GABRB1: variants seen among roughly 807,000 people sequenced by gnomAD.
The protein encoded by GABRB1 is gamma-aminobutyric acid receptor subunit beta-1.
A neutral mutation model predicts 51.6 loss-of-function variants in GABRB1; 17 were observed. The observed-to-expected ratio is 0.33, with a 90% CI of 0.23 to 0.49. The LOEUF (loss-of-function observed/expected upper bound fraction) is 0.49. GABRB1 is among the 20% of genes least tolerant of loss of function. The pLI is 0.99. For missense variants in GABRB1, 410 were observed against 600.6 expected (o/e 0.68, Z 3.32); for synonymous variants, 247 against 218.9 (o/e 1.13, Z -1.14).
intron 4 of GABRB1, among the ~76,000 whole-genome samples, chr4:47,291,664 G>A (rs1021074844): frequency 4.6e-5 from 7 of 152,222 alleles, no homozygotes; most frequent in African/African-American, 7.2e-5. Context: ...TTTCATCAGC[G>A]TGACCTGGAT....
At chr4:47,297,619 G>T (rs1724056834) in intron 4 of GABRB1, among the ~76,000 whole-genome samples, 1 of 152,112 alleles carries the variant, frequency 6.6e-6, no homozygotes, top group African/African-American at 2.4e-5. Context: ...ATAATCAATA[G>T]CTTACCAACC....
intron 4 of GABRB1, among the ~76,000 whole-genome samples, chr4:47,195,702 T>A (rs2109789989): frequency 6.6e-6 from 1 of 152,342 alleles, no homozygotes; most frequent in African/African-American, 2.4e-5. Context: ...TCTATTTATT[T>A]GTATATTTAT....
chr4:47,348,748 A>G (rs915801807), intron 5 of GABRB1, among the ~76,000 whole-genome samples: 4 of 152,154 alleles, frequency 2.6e-5, no homozygotes, highest in African/African-American at 9.7e-5. Flanking sequence ...ATATGATAAG[A>G]TTTGTGTTTT....
intron 4 of GABRB1, among the ~76,000 whole-genome samples, chr4:47,223,392 TA>T (rs1177526584): frequency 2.6e-5 from 4 of 151,994 alleles, no homozygotes; most frequent in African/African-American, 9.7e-5. Context: ...CCTAGGTAGG[TA>T]AGAGATATAG....
chr4:47,234,306 G>A (rs1476290090), intron 4 of GABRB1, among the ~76,000 whole-genome samples: 1 of 152,092 alleles, frequency 6.6e-6, no homozygotes, highest in Non-Finnish European at 1.5e-5. Context: ...TGACTAACAT[G>A]AAGAAACACC....
At chr4:47,166,647 T>C (rs1439847261) in intron 4 of GABRB1, among the ~76,000 whole-genome samples, 4 of 152,074 alleles carry the variant, frequency 2.6e-5, no homozygotes, top group African/African-American at 4.8e-5. Flanking sequence ...GAGTCCATAG[T>C]TATACATGGA....
intron 4 of GABRB1, among the ~76,000 whole-genome samples, chr4:47,307,905 AC>A (rs1724528419): frequency 6.6e-6 from 1 of 152,070 alleles, no homozygotes; most frequent in Non-Finnish European, 1.5e-5. Flanking sequence ...TATTTAATGA[AC>A]AAAAATATTA....
intron 4 of GABRB1, among the ~76,000 whole-genome samples, chr4:47,296,718 A>G (rs2109930971): frequency 6.6e-6 from 1 of 152,318 alleles, no homozygotes; most frequent in East Asian, 1.9e-4. Context: ...AAAGTTAACA[A>G]GGATACCCAG....
chr4:47,395,850 T>G (rs1180885708), intron 5 of GABRB1, among the ~76,000 whole-genome samples: 1 of 152,198 alleles, frequency 6.6e-6, no homozygotes, highest in Non-Finnish European at 1.5e-5. Context: ...AATATGTTTC[T>G]GTTTTTCCCA....
At chr4:47,328,462 G>A (rs1329150127) in intron 5 of GABRB1, among the ~76,000 whole-genome samples, 7 of 152,134 alleles carry the variant, frequency 4.6e-5, no homozygotes, top group Admixed American at 3.9e-4. Flanking sequence ...AAAGACACAT[G>A]CACACGCATG....
At chr4:47,150,180 ACAAC>A (rs1163548616) in intron 3 of GABRB1, among the ~76,000 whole-genome samples, 27 of 104,876 alleles carry the variant, frequency 2.6e-4, no homozygotes, top group African/African-American at 9.4e-4. Flanking sequence ...ACACACACAC[ACAAC>A]ACACACACAC....
intron 1 of GABRB1, among the ~76,000 whole-genome samples, chr4:47,008,509 C>T (rs1029282894): frequency 4.0e-5 from 6 of 151,138 alleles, no homozygotes; most frequent in Admixed American, 2.0e-4. Flanking sequence ...TTTGCCCCAG[C>T]TGGAGTGTAG....
At chr4:47,143,735 A>C (rs1229808624) in intron 3 of GABRB1, among the ~76,000 whole-genome samples, 1 of 151,884 alleles carries the variant, frequency 6.6e-6, no homozygotes, top group Non-Finnish European at 1.5e-5. Context: ...CTGCTTAAAC[A>C]CTGATTGGGT....
At chr4:47,299,350 G>A (rs1169707804) in intron 4 of GABRB1, among the ~76,000 whole-genome samples, 2 of 151,920 alleles carry the variant, frequency 1.3e-5, no homozygotes, top group African/African-American at 4.8e-5. Flanking sequence ...TCTGACAAAG[G>A]GCTAATCTCC....
intron 1 of GABRB1, among the ~76,000 whole-genome samples, chr4:47,005,439 A>G: frequency 6.6e-6 from 1 of 152,000 alleles, no homozygotes; most frequent in South Asian, 2.1e-4. Flanking sequence ...CAAACAAACA[A>G]AAACTGTTCT....
At chr4:47,126,227 T>C (rs989561571) in intron 3 of GABRB1, among the ~76,000 whole-genome samples, 5 of 152,074 alleles carry the variant, frequency 3.3e-5, no homozygotes, top group African/African-American at 7.2e-5. Flanking sequence ...ATATGTAGAA[T>C]GTAAAAAAGG....
At chr4:47,306,851 A>C (rs1292744121) in intron 4 of GABRB1, among the ~76,000 whole-genome samples, 1 of 152,142 alleles carries the variant, frequency 6.6e-6, no homozygotes. Flanking sequence ...GTGTATATGC[A>C]CTAGAGGTGT....
chr4:47,332,782 T>C (rs1183002959), intron 5 of GABRB1, among the ~76,000 whole-genome samples: 1 of 151,966 alleles, frequency 6.6e-6, no homozygotes, highest in Non-Finnish European at 1.5e-5. Flanking sequence ...CCCAGTTCTC[T>C]AAATAAAAAG....
At chr4:47,277,630 T>C (rs1004327248) in intron 4 of GABRB1, among the ~76,000 whole-genome samples, 4 of 151,856 alleles carry the variant, frequency 2.6e-5, no homozygotes, top group South Asian at 4.1e-4. Flanking sequence ...TAAATGTATA[T>C]GCCTACTATG....
Sources: gnomAD v4.1 joint callset for allele counts (sites outside exome capture counted in the v4.1 genomes callset) on GRCh38, gnomAD v4.1.1 for gene constraint, MANE v1.5 for transcripts, NCBI Gene and HGNC (gene_info 2026-07-23, HGNC 2026-07-21) for gene names.